COL19A1: variants seen among roughly 807,000 people sequenced by gnomAD.
COL19A1 encodes collagen type XIX alpha 1 chain, also known as collagen alpha-1(XIX) chain.
In COL19A1, 159 loss-of-function variants were observed where a neutral mutation model predicts 190.2. The observed-to-expected ratio is 0.84, with a 90% confidence interval of 0.73 to 0.95. The LOEUF (loss-of-function observed/expected upper bound fraction) is 0.95. Ranked by LOEUF, COL19A1 falls within the 40% of genes least tolerant of loss-of-function variation. The pLI is 0.00. For synonymous variants in COL19A1, 509 were observed against 458.9 expected (o/e 1.11, Z -1.39); for missense variants, 1,418 against 1,431.9 (o/e 0.99, Z 0.16).
At chr6:70,187,398 C>T (rs1446108062) in intron 46 of COL19A1, among the ~76,000 whole-genome samples, 2 of 151,764 alleles carry the variant, frequency 1.3e-5, no homozygotes, top group African/African-American at 4.8e-5. Context: ...TAATAAAGCA[C>T]AAACAAACAG....
At chr6:70,082,470 T>C (rs969732101) in intron 15 of COL19A1, among the ~76,000 whole-genome samples, 5 of 152,152 alleles carry the variant, frequency 3.3e-5, no homozygotes, top group African/African-American at 1.2e-4. Context: ...TGGAGTGCAG[T>C]GGTGCGATCT....
At chr6:70,062,678 A>G (rs1169687907) in intron 14 of COL19A1, among the ~76,000 whole-genome samples, 4 of 152,186 alleles carry the variant, frequency 2.6e-5, no homozygotes, top group African/African-American at 9.7e-5. Flanking sequence ...TAAAAGACAC[A>G]GACTGGCAAA....
At chr6:70,168,847 C>T (rs1765327596) in intron 40 of COL19A1, among the ~76,000 whole-genome samples, 166 bp downstream of exon 40, 1 of 152,188 alleles carries the variant, frequency 6.6e-6, no homozygotes, top group African/African-American at 2.4e-5. Context: ...TTCTCTGTTT[C>T]TGAGATGCAT....
rs1269971158 is a variant in COL19A1, at chr6:70,111,133, G to A, written c.1278+8911G>A. 3.3e-5 allele frequency among the ~76,000 whole-genome samples: 5 copies of A among 152,262 alleles called. No individual in the cohort carries two copies. In the South Asian group the frequency reaches 1.0e-3, roughly 32 times the overall value. ...TAGTTTCCAAGAGGATCTCCATACT[G>A]TATGTAATTTTACTGCTGTATATCT... is the stretch of plus-strand genomic sequence containing the variant. On this transcript the variant is annotated intron_variant, in intron 16 of 50. Transcript: ENST00000620364.
At chr6:70,024,343 T>C (rs1778608274) in intron 12 of COL19A1, among the ~76,000 whole-genome samples, 2 of 152,176 alleles carry the variant, frequency 1.3e-5, no homozygotes, top group Non-Finnish European at 2.9e-5. Flanking sequence ...TCTTTACTGG[T>C]AGGGGAAGTG....
Position 69,932,228 on chromosome 6 carries a change from G to C in COL19A1, c.667-555G>C, listed in dbSNP as rs556055918. 1.2e-3 allele frequency among the ~76,000 whole-genome samples: 176 copies of C among 152,078 alleles called. 1 individual carries two copies. Among genetic ancestry groups the C allele is most frequent in the Admixed American group, 1.8e-3 (28 of 15,252 alleles). On this transcript the variant is annotated intron_variant, in intron 6 of 50. Transcript: ENST00000620364. ...AATCAATTATTTTTGTAAAAAGGTTGTTAGCCCTGCTTAGATTATACCAAT... is the reference window on the plus strand; with the variant it reads ...AATCAATTATTTTTGTAAAAAGGTTCTTAGCCCTGCTTAGATTATACCAAT...
At chr6:69,923,728 G>A (rs545665826) in intron 4 of COL19A1, among the ~76,000 whole-genome samples, 16 of 152,228 alleles carry the variant, frequency 1.1e-4, no homozygotes, top group South Asian at 8.3e-4. Flanking sequence ...TGAAAACTCC[G>A]GAAAGGCCTG....
Position 70,142,796 on chromosome 6 carries a change from A to T in COL19A1, c.1602A>T (p.Gly534=). 6.2e-7 allele frequency: 1 copy of T among 1,612,428 alleles called. No homozygotes were observed. The highest frequency in any genetic ancestry group is 8.5e-7 in the Non-Finnish European group (1 of 1,179,086). The part of the protein sequence containing the change: ...KGQQGSAGSM[G]PRGPPGDVGL... ...AGCAAGGATCTGCAGGCTCCATGGG[A>T]CCCAGAGGACCGCCAGGAGATGTTG... The change falls in exon 23 of 51, where the codon GGA becomes GGT. Residue 534 remains glycine (G), a synonymous_variant. Transcript: ENST00000620364.
intron 4 of COL19A1, among the ~76,000 whole-genome samples, chr6:69,925,517 T>C (rs1241881497): frequency 6.6e-6 from 1 of 152,146 alleles, no homozygotes; most frequent in Non-Finnish European, 1.5e-5. Flanking sequence ...AGTCAGGTAG[T>C]GTGATGCCTC....
intron 1 of COL19A1, among the ~76,000 whole-genome samples, chr6:69,877,217 CA>C (rs1768181847): frequency 6.6e-6 from 1 of 152,168 alleles, no homozygotes; most frequent in Non-Finnish European, 1.5e-5. Context: ...AATAATACTG[CA>C]ATTACCAAAT....
intron 9 of COL19A1, among the ~76,000 whole-genome samples, chr6:69,942,495 G>T (rs1422572549): frequency 2.0e-5 from 3 of 151,950 alleles, no homozygotes; most frequent in Non-Finnish European, 4.4e-5. Context: ...CTGTAATTTT[G>T]TATCTGTTAA....
At chr6:70,049,855 T>C (rs1582780162) in intron 14 of COL19A1, among the ~76,000 whole-genome samples, 1 of 152,166 alleles carries the variant, frequency 6.6e-6, no homozygotes, top group East Asian at 1.9e-4. Context: ...GCCATAAATC[T>C]ACATTAAAAT....
intron 11 of COL19A1, among the ~76,000 whole-genome samples, chr6:69,999,958 G>A (rs1343430461): frequency 6.6e-6 from 1 of 151,912 alleles, no homozygotes; most frequent in African/African-American, 2.4e-5. Context: ...ATAGGTATAC[G>A]TGTGTCATGG....
chr6:69,877,287 T>TA (rs1161197105), intron 1 of COL19A1, among the ~76,000 whole-genome samples: 2 of 152,200 alleles, frequency 1.3e-5, no homozygotes, highest in Non-Finnish European at 2.9e-5. Flanking sequence ...GTTGCTTCAC[T>TA]AAAAAAATTA....
chr6:69,940,750 T>TATG (rs1773417529), intron 9 of COL19A1, among the ~76,000 whole-genome samples: 1 of 152,150 alleles, frequency 6.6e-6, no homozygotes, highest in East Asian at 1.9e-4. Context: ...TGCACCCACA[T>TATG]TTGCTTAAAC....
intron 13 of COL19A1, among the ~76,000 whole-genome samples, chr6:70,034,556 G>A (rs1022565499): frequency 6.6e-6 from 1 of 152,120 alleles, no homozygotes; most frequent in Non-Finnish European, 1.5e-5. Flanking sequence ...ACAGCATGAG[G>A]TATTCAATCA....
At chr6:70,027,816 A>C (rs568643115) in intron 12 of COL19A1, among the ~76,000 whole-genome samples, 2 of 152,322 alleles carry the variant, frequency 1.3e-5, no homozygotes, top group Non-Finnish European at 2.9e-5. Flanking sequence ...TATTTAACAA[A>C]GGTATCTTAG....
At chr6:69,911,847 A>T (rs770539485) in intron 4 of COL19A1, among the ~76,000 whole-genome samples, 10 of 152,138 alleles carry the variant, frequency 6.6e-5, no homozygotes, top group African/African-American at 2.4e-4. Flanking sequence ...CTACAAATAT[A>T]TACTTAATCC....
At chr6:70,175,284 A>T (rs989815896) in intron 41 of COL19A1, among the ~76,000 whole-genome samples, 1 of 152,174 alleles carries the variant, frequency 6.6e-6, no homozygotes, top group Non-Finnish European at 1.5e-5. Context: ...TATTGTAAAT[A>T]TAACCTTAAT....
Sources: allele counts gnomAD v4.1 joint callset (sites outside exome capture counted in the v4.1 genomes callset), GRCh38; gene constraint gnomAD v4.1.1; transcripts MANE v1.5; gene names NCBI Gene and HGNC (gene_info 2026-07-23, HGNC 2026-07-21).